ACSL4: variants seen among roughly 807,000 people sequenced by gnomAD.
ACSL4 encodes long-chain-fatty-acid--CoA ligase 4.
Under a neutral mutation model 49.1 loss-of-function variants are expected in ACSL4, and 9 were observed. The observed-to-expected ratio is 0.18, with a 90% CI of 0.11 to 0.32. The LOEUF is 0.32. ACSL4 is among the 10% of genes least tolerant of loss of function. ACSL4 has a pLI of 1.00. For missense variants in ACSL4, 333 were observed against 493.7 expected, an observed-to-expected ratio of 0.67 and a Z score of 3.08; for synonymous variants, 191 against 170.3, an observed-to-expected ratio of 1.12 and a Z score of -0.95.
At chrX:109,679,514 T>G (rs1424501538) in intron 6 of ACSL4, among the ~76,000 whole-genome samples, 1 of 112,416 alleles carries the variant, frequency 8.9e-6, no homozygotes, top group Non-Finnish European at 1.9e-5. Flanking sequence ...ACTGGCTAAT[T>G]TTAATGCTTT....
chrX:109,655,790 T>C (rs1428307568), intron 15 of ACSL4, among the ~76,000 whole-genome samples: 1 of 110,961 alleles, frequency 9.0e-6, no homozygotes, highest in African/African-American at 3.3e-5. Context: ...AAATAGATCA[T>C]ACACAAAGGA....
intron 15 of ACSL4, among the ~76,000 whole-genome samples, chrX:109,658,527 T>C (rs1921883187): frequency 8.9e-6 from 1 of 112,114 alleles, no homozygotes; most frequent in African/African-American, 3.3e-5. Flanking sequence ...TAGAAGGTAC[T>C]ACACAACTTG....
At chrX:109,715,094 G>A (rs1467293530) in intron 1 of ACSL4, among the ~76,000 whole-genome samples, 1 of 111,384 alleles carries the variant, frequency 9.0e-6, no homozygotes, top group African/African-American at 3.3e-5. Context: ...TTGTCTCTGG[G>A]TAGGAAGATC....
chrX:109,668,088 T>G lies in ACSL4; in HGVS notation c.1315+13A>C, dbSNP rs1220957761. 8.5e-7 allele frequency: 1 copy of G among 1,174,611 alleles called. No homozygotes were observed. Among genetic ancestry groups the G allele is most frequent in the Non-Finnish European group, 1.2e-6 (1 of 864,809 alleles). On this transcript the variant is annotated intron_variant, in intron 11 of 15. Coordinates refer to ENST00000672401, the MANE Select transcript of ACSL4 (RefSeq NM_001318510.2). ...AGCTGATACAGAATATTTACCACAT[T>G]AATAATGCTTACCTTCAGTAACTGT...
At chrX:109,700,105 G>C (rs1385982677) in intron 1 of ACSL4, among the ~76,000 whole-genome samples, 2 of 107,486 alleles carry the variant, frequency 1.9e-5, no homozygotes, top group African/African-American at 6.8e-5. Flanking sequence ...CTACTCAGGA[G>C]GCTGAGGCAG....
At chrX:109,644,278 AAT>A in intron 15 of ACSL4, 92 bp from the exon 16 acceptor site, 1 of 825,271 alleles carries the variant, frequency 1.2e-6, no homozygotes, top group Non-Finnish European at 1.7e-6. Flanking sequence ...AAGGAGAAGC[AAT>A]TAATAAAATA....
chrX:109,671,395 G>A (rs866536071), intron 9 of ACSL4, among the ~76,000 whole-genome samples: 3 of 109,972 alleles, frequency 2.7e-5, no homozygotes, highest in Non-Finnish European at 5.7e-5. Flanking sequence ...CCGGCCAGCC[G>A]CCCCGCCCGG....
chrX:109,700,998 G>A (rs746145648), intron 1 of ACSL4, among the ~76,000 whole-genome samples: 2 of 110,531 alleles, frequency 1.8e-5, no homozygotes, highest in South Asian at 3.9e-4. Flanking sequence ...AGCCGAGATC[G>A]CACCACTGCA....
At chrX:109,714,250 A>G in intron 1 of ACSL4, among the ~76,000 whole-genome samples, 1 of 112,646 alleles carries the variant, frequency 8.9e-6, no homozygotes. Flanking sequence ...TTTTAAAAAT[A>G]TAAAAAAGCT....
At chrX:109,649,418 A>C (rs1053064990) in intron 15 of ACSL4, among the ~76,000 whole-genome samples, 1 of 111,727 alleles carries the variant, frequency 9.0e-6, no homozygotes, top group African/African-American at 3.3e-5. Context: ...AAAAACAAGC[A>C]ATGGGGAAAG....
chrX:109,715,022 G>GA (rs751768618), intron 1 of ACSL4, among the ~76,000 whole-genome samples: 13 of 111,200 alleles, frequency 1.2e-4, no homozygotes, highest in Non-Finnish European at 5.7e-5. Flanking sequence ...AGGTAGGGGG[G>GA]ATCCCTTGAG....
intron 15 of ACSL4, among the ~76,000 whole-genome samples, chrX:109,645,613 G>A (rs923713364): frequency 8.0e-5 from 9 of 112,146 alleles, no homozygotes; most frequent in South Asian, 3.7e-4. Flanking sequence ...AAAGCAGAGC[G>A]CCTCTCCTCC....
intron 1 of ACSL4, among the ~76,000 whole-genome samples, chrX:109,716,494 G>A (rs5943422): frequency 8.9e-6 from 1 of 111,798 alleles, no homozygotes; most frequent in Non-Finnish European, 1.9e-5. Flanking sequence ...GAGTTGAAAG[G>A]CACCAACTGA....
intron 2 of ACSL4, among the ~76,000 whole-genome samples, chrX:109,690,815 A>T (rs1352905798): frequency 1.8e-5 from 2 of 110,243 alleles, no homozygotes; most frequent in African/African-American, 6.6e-5. Context: ...GTGAAAAATC[A>T]GATTCAATTT....
chrX:109,711,968 T>C (rs1220923321), intron 1 of ACSL4, among the ~76,000 whole-genome samples: 2 of 112,155 alleles, frequency 1.8e-5, no homozygotes, highest in African/African-American at 6.5e-5. Context: ...AGTCATATTA[T>C]GTAGAAAGGA....
chrX:109,644,072 T>C lies in ACSL4; in HGVS notation c.1970A>G (p.Asn657Ser), dbSNP rs1442156129. ...TCGTTCAATGTCTTTGAGGTAATGG[T>C]TCCTCAGCTCCTTCCTTTTCAGTTT... ...AFKLKRKELR[N>S]HYLKDIERMY... is the part of the protein sequence containing the mutation. Residue 657 changes from asparagine (N) to serine (S), a missense_variant, in exon 16 of 16, where the codon AAC (asparagine) becomes AGC (serine). Around this residue, in one of 3 missense-constraint regions of ACSL4, gnomAD observed 175 missense variants for 275.8 expected, o/e 0.63. Transcript: ENST00000672401. 1 of 1,209,463 alleles carries C rather than the reference T, an allele frequency of 8.3e-7. No homozygotes were observed. The highest frequency in any genetic ancestry group is 1.1e-6 in the Non-Finnish European group (1 of 894,981).
chrX:109,706,696 T>A (rs768963897), intron 1 of ACSL4, among the ~76,000 whole-genome samples: 1 of 112,367 alleles, frequency 8.9e-6, no homozygotes, highest in South Asian at 3.6e-4. Context: ...TTTTTAAATA[T>A]TTTGGACAAA....
intron 1 of ACSL4, among the ~76,000 whole-genome samples, chrX:109,719,993 C>T (rs954279373): frequency 9.4e-6 from 1 of 106,672 alleles, no homozygotes; most frequent in African/African-American, 3.5e-5. Context: ...AACTCCATCT[C>T]ACAAAAAACA....
chrX:109,666,441 T>A (rs1482014105), intron 11 of ACSL4, among the ~76,000 whole-genome samples: 1 of 111,248 alleles, frequency 9.0e-6, no homozygotes, highest in Non-Finnish European at 1.9e-5. Flanking sequence ...ATGTGGGGAA[T>A]AATGGAAAAT....
Sources: allele counts gnomAD v4.1 joint callset (sites outside exome capture counted in the v4.1 genomes callset), GRCh38; gene constraint gnomAD v4.1.1; regional missense constraint gnomAD v4.1.1; transcripts MANE v1.5; gene names NCBI Gene and HGNC (gene_info 2026-07-23, HGNC 2026-07-21).